PCDH9: variants seen among roughly 807,000 people sequenced by gnomAD.
PCDH9 encodes the protein protocadherin-9.
In PCDH9, 24 loss-of-function variants were observed where a neutral mutation model predicts 70.6. That is an observed-to-expected ratio of 0.34 (90% confidence interval 0.25 to 0.48). The LOEUF (loss-of-function observed/expected upper bound fraction) is 0.48, where lower values mean the gene tolerates loss of function less well. PCDH9 is among the 20% of genes least tolerant of loss of function. The pLI, the probability that PCDH9 is intolerant of heterozygous loss-of-function variation, is 0.99. For synonymous variants in PCDH9, 562 were observed against 558.5 expected, an observed-to-expected ratio of 1.01 and a Z score of -0.09; for missense variants, 1,281 against 1,503.6, an observed-to-expected ratio of 0.85 and a Z score of 2.45.
intron 3 of PCDH9, among the ~76,000 whole-genome samples, chr13:66,792,652 A>G (rs1227853893): frequency 1.3e-5 from 2 of 152,182 alleles, no homozygotes; most frequent in Non-Finnish European, 2.9e-5. Flanking sequence ...ATGAGTGACA[A>G]GAGTTAAACT....
At chr13:66,524,116 G>C (rs1286104877) in intron 4 of PCDH9, among the ~76,000 whole-genome samples, 1 of 151,562 alleles carries the variant, frequency 6.6e-6, no homozygotes, top group Non-Finnish European at 1.5e-5. Context: ...TTTTCTTTTT[G>C]CCACGATTAG....
intron 2 of PCDH9, among the ~76,000 whole-genome samples, chr13:66,925,003 T>C (rs973050974): frequency 6.6e-6 from 1 of 151,804 alleles, no homozygotes; most frequent in Non-Finnish European, 1.5e-5. Context: ...ATAAAAAACA[T>C]GGAAGATCTC....
At chr13:66,559,929 T>A (rs1278781245) in intron 4 of PCDH9, among the ~76,000 whole-genome samples, 1 of 151,614 alleles carries the variant, frequency 6.6e-6, no homozygotes, top group Non-Finnish European at 1.5e-5. Flanking sequence ...CCATACTGTA[T>A]TTTCAGTCAT....
At chr13:66,862,348 G>T (rs1269409690) in intron 3 of PCDH9, among the ~76,000 whole-genome samples, 1 of 152,218 alleles carries the variant, frequency 6.6e-6, no homozygotes, top group Non-Finnish European at 1.5e-5. Context: ...TCTATAGTGT[G>T]TGGGTGTAGG....
chr13:67,125,228 CA>C (rs1413999975), intron 2 of PCDH9, among the ~76,000 whole-genome samples: 1 of 152,164 alleles, frequency 6.6e-6, no homozygotes, highest in Non-Finnish European at 1.5e-5. Flanking sequence ...CCTAGGACGT[CA>C]GAGGGATGTG....
At chr13:67,043,337 T>G (rs930898894) in intron 2 of PCDH9, among the ~76,000 whole-genome samples, 1 of 152,164 alleles carries the variant, frequency 6.6e-6, no homozygotes, top group African/African-American at 2.4e-5. Flanking sequence ...AGCAAGCCAG[T>G]TGAAGTCGAT....
At chr13:66,861,329 C>T (rs1397082540) in intron 3 of PCDH9, among the ~76,000 whole-genome samples, 1 of 152,140 alleles carries the variant, frequency 6.6e-6, no homozygotes, top group African/African-American at 2.4e-5. Flanking sequence ...CCAAAATTAC[C>T]CTGATTGCAG....
At chr13:66,811,001 T>C (rs998000001) in intron 3 of PCDH9, among the ~76,000 whole-genome samples, 36 of 152,144 alleles carry the variant, frequency 2.4e-4, no homozygotes, top group African/African-American at 8.0e-4. Context: ...ATAATTACAT[T>C]GAACCTTTTC....
At chr13:67,169,337 T>A (rs2088212445) in intron 2 of PCDH9, among the ~76,000 whole-genome samples, 2 of 152,228 alleles carry the variant, frequency 1.3e-5, no homozygotes, top group Non-Finnish European at 2.9e-5. Context: ...CATTATGGTG[T>A]TCATATTTAT....
chr13:66,474,858 C>T (rs2138492382), intron 4 of PCDH9, among the ~76,000 whole-genome samples: 1 of 151,982 alleles, frequency 6.6e-6, no homozygotes, highest in East Asian at 1.9e-4. Context: ...GGTTTCTGTC[C>T]TTAGTACTAA....
chr13:66,980,742 G>GT lies in PCDH9; in HGVS notation c.3037-77138dup, dbSNP rs550869529. On this transcript the variant is annotated intron_variant, in intron 2 of 4. Transcript: ENST00000377865. The stretch of plus-strand genomic sequence containing the variant: ...TGTTTTTTTCTTTGTTTTTTTTTTT[G>GT]TTTTTTTTTTTACTATTTTATATCC... Among the ~76,000 whole-genome samples, 59 of 107,380 alleles carry GT rather than the reference G, an allele frequency of 5.5e-4. 2 individuals carry two copies. Among genetic ancestry groups the GT allele is most frequent in the African/African-American group, 5.7e-4 (16 of 28,028 alleles). The allele number at this position is 107,380 out of a possible 152,430, so 70.4% of individuals were successfully genotyped here. A position where few individuals can be genotyped will look rare whatever the true frequency, so the allele number is the denominator to read the frequency against.
intron 4 of PCDH9, among the ~76,000 whole-genome samples, chr13:66,322,881 A>C (rs535440162): frequency 6.6e-6 from 1 of 152,214 alleles, no homozygotes; most frequent in East Asian, 1.9e-4. Flanking sequence ...GATTACAAAA[A>C]AAGTATGTTG....
intron 3 of PCDH9, among the ~76,000 whole-genome samples, chr13:66,874,942 T>TGTGTGTGTGAGAGA (rs533672911): frequency 3.6e-5 from 4 of 110,024 alleles, no homozygotes; most frequent in African/African-American, 1.1e-4. Flanking sequence ...TGTGTGTGTG[T>TGTGTGTGTGAGAGA]GAGAGAGAGA....
At chr13:66,432,115 T>C (rs1957782251) in intron 4 of PCDH9, among the ~76,000 whole-genome samples, 2 of 152,042 alleles carry the variant, frequency 1.3e-5, no homozygotes, top group South Asian at 2.1e-4. Context: ...TTTAAACATG[T>C]ACTTCTTGCT....
chr13:67,158,038 C>G (rs963469219), intron 2 of PCDH9, among the ~76,000 whole-genome samples: 1 of 152,142 alleles, frequency 6.6e-6, no homozygotes, highest in Non-Finnish European at 1.5e-5. Context: ...ACAAAGGTAA[C>G]TGAATGTCAG....
chr13:66,593,834 T>C (rs2077067710), intron 4 of PCDH9, among the ~76,000 whole-genome samples: 1 of 151,746 alleles, frequency 6.6e-6, no homozygotes, highest in South Asian at 2.1e-4. Context: ...TTGTTAATAA[T>C]TTTCTTCAAC....
At chr13:67,217,320 C>G (rs1220943149) in intron 2 of PCDH9, 1 of 151,264 alleles carries the variant, frequency 6.6e-6, no homozygotes, top group South Asian at 2.1e-4. Context: ...TTGTCTTGCA[C>G]AAAAACTGTT....
intron 2 of PCDH9, among the ~76,000 whole-genome samples, chr13:66,958,751 T>C (rs1311288082): frequency 6.6e-6 from 1 of 152,218 alleles, no homozygotes; most frequent in Admixed American, 6.5e-5. Context: ...CTGCTGTTTT[T>C]AAGCTAAGTT....
At chr13:66,332,194 G>A (rs186205611) in intron 4 of PCDH9, among the ~76,000 whole-genome samples, 30 of 152,210 alleles carry the variant, frequency 2.0e-4, no homozygotes, top group Admixed American at 7.2e-4. Flanking sequence ...GAGGCATTTA[G>A]AAGTGCTAAG....
Sources: allele counts gnomAD v4.1 joint callset (sites outside exome capture counted in the v4.1 genomes callset), GRCh38; gene constraint gnomAD v4.1.1; transcripts MANE v1.5; gene names NCBI Gene and HGNC (gene_info 2026-07-23, HGNC 2026-07-21).